FMN2: variants seen among roughly 807,000 people sequenced by gnomAD.
The protein encoded by FMN2 is formin-2.
Under a neutral mutation model 142.3 loss-of-function variants are expected in FMN2, and 51 were observed. That is an observed-to-expected ratio of 0.36 (90% CI 0.29 to 0.45). The LOEUF is 0.45. FMN2 is among the 20% of genes least tolerant of loss of function. The pLI is 1.00. For missense variants in FMN2, 1,936 were observed against 2,122.8 expected (o/e 0.91, Z 1.73); for synonymous variants, 882 against 869.8 (o/e 1.01, Z -0.25).
At position 240,349,802 on chromosome 1, in the gene FMN2, G is replaced by T. The variant is rs185519164; in HGVS notation, c.4766-6014G>T. On this transcript the variant is annotated intron_variant, in intron 13 of 17. Transcript: ENST00000319653. The stretch of plus-strand genomic sequence containing the variant: ...AATTAAACAAAAGTTGAGATGATTG[G>T]AATTACTCGGTTATGCCAACAGTCT... Among the ~76,000 whole-genome samples the T allele has an allele frequency of 4.1e-3, 617 of 152,204 alleles. 5 individuals carry two copies. Among genetic ancestry groups the T allele is most frequent in the African/African-American group, 0.014 (578 of 41,510 alleles).
rs746874270 is a variant in FMN2 at position 240,123,305 on chromosome 1, C to T, written c.1742C>T (p.Pro581Leu). ...CCTTTTAGTGATTGCTTCAGGGAAC[C>T]GTGTAATCAGAATGCCCAGACGAAT... ...LLPFSDCFRE[P>L]CNQNAQTNAA... Residue 581 changes from proline to leucine, a missense_variant, in exon 2 of 18, where the codon CCG becomes CTG. This residue lies in a region of FMN2 where 478 missense variants were observed against 462.8 expected (regional missense o/e 1.03). Coordinates refer to ENST00000319653, the MANE Select transcript of FMN2 (RefSeq NM_020066.5). 4.3e-5 allele frequency: 69 copies of T among 1,613,898 alleles called. No individual in the cohort carries two copies. The East Asian group carries it at 1.4e-3, about 32-fold the overall frequency.
At chr1:240,144,734 T>C (rs1663361530) in intron 2 of FMN2, 1 of 1,323,780 alleles carries the variant, frequency 7.6e-7, no homozygotes, top group African/African-American at 1.5e-5. Flanking sequence ...CTCCAGCATG[T>C]CCACCTGCTC....
intron 15 of FMN2, among the ~76,000 whole-genome samples, chr1:240,421,753 C>T (rs1332056824): frequency 6.6e-6 from 1 of 151,806 alleles, no homozygotes; most frequent in Non-Finnish European, 1.5e-5. Flanking sequence ...ACAACCAAGA[C>T]ATTTTATCTC....
At chr1:240,340,346 C>T (rs915935912) in intron 13 of FMN2, among the ~76,000 whole-genome samples, 21 of 151,918 alleles carry the variant, frequency 1.4e-4, no homozygotes, top group African/African-American at 3.9e-4. Context: ...TTTGGGAGGC[C>T]GAGGCAGGTG....
At chr1:240,401,018 C>A (rs1047112935) in intron 15 of FMN2, 2 of 151,590 alleles carry the variant, frequency 1.3e-5, no homozygotes, top group Non-Finnish European at 2.9e-5. Context: ...CCAGCTACTC[C>A]GGAGGCTGAG....
At chr1:240,429,068 C>T (rs1675051419) in intron 15 of FMN2, among the ~76,000 whole-genome samples, 1 of 152,034 alleles carries the variant, frequency 6.6e-6, no homozygotes, top group African/African-American at 2.4e-5. Flanking sequence ...TACTTATTAA[C>T]TCTTGTGTTA....
intron 16 of FMN2, among the ~76,000 whole-genome samples, chr1:240,455,669 C>T (rs936439103): frequency 1.3e-5 from 2 of 152,052 alleles, no homozygotes; most frequent in Non-Finnish European, 2.9e-5. Flanking sequence ...CAGAGCAAGA[C>T]TCTGTCTCTA....
At chr1:240,418,728 T>TTTTG (rs147573095) in intron 15 of FMN2, among the ~76,000 whole-genome samples, 9,898 of 152,256 alleles carry the variant, frequency 0.065, 1,085 homozygotes, top group African/African-American at 0.23. Flanking sequence ...TAGTGTTCTA[T>TTTTG]TTTATTATTT....
intron 13 of FMN2, among the ~76,000 whole-genome samples, chr1:240,346,509 G>A (rs963030807): frequency 6.6e-6 from 1 of 152,174 alleles, no homozygotes; most frequent in African/African-American, 2.4e-5. Flanking sequence ...CGGGGGATGA[G>A]AAACACAAAG....
chr1:240,206,765 ATAAC>A (rs1385860921), intron 4 of FMN2, 30 bp from the exon 5 acceptor site: 22 of 1,568,212 alleles, frequency 1.4e-5, no homozygotes, highest in Non-Finnish European at 1.8e-5. Flanking sequence ...TCCTTATTTC[ATAAC>A]TAACTGTGTC....
In FMN2 at chr1:240,257,953, G is replaced by A; in HGVS notation, c.4074G>A (p.Lys1358=). The change falls in exon 7 of 18, where the codon AAG becomes AAA. Residue 1358 remains lysine, a synonymous_variant. Transcript: ENST00000319653. ...ISKTKAKQVV[K]LLSNKRSQAV... is the part of the protein sequence containing the mutation. ...CTTTCTTTCTCGAGCAGGTTGTCAA[G>A]TTATTAAGCAACAAAAGATCACAAG... 6.2e-7 allele frequency: 1 copy of A among 1,612,942 alleles called. No homozygotes were observed. Among genetic ancestry groups the A allele is most frequent in the Non-Finnish European group, 8.5e-7 (1 of 1,179,574 alleles).
At chr1:240,305,015 C>T (rs1387512309) in intron 8 of FMN2, among the ~76,000 whole-genome samples, 3 of 152,220 alleles carry the variant, frequency 2.0e-5, no homozygotes, top group African/African-American at 7.2e-5. Context: ...ACTTTCTACT[C>T]TGCTATCTTC....
At chr1:240,349,600 C>T (rs991823353) in intron 13 of FMN2, among the ~76,000 whole-genome samples, 2 of 152,168 alleles carry the variant, frequency 1.3e-5, no homozygotes, top group Non-Finnish European at 2.9e-5. Flanking sequence ...TGCCCCACAA[C>T]GTGCCACTCT....
intron 1 of FMN2, among the ~76,000 whole-genome samples, chr1:240,114,335 A>G (rs1392736979): frequency 2.6e-5 from 4 of 152,212 alleles, no homozygotes; most frequent in Non-Finnish European, 5.9e-5. Context: ...AATGGATGCT[A>G]GGTGCAATCT....
At chr1:240,361,318 C>T (rs565660968) in intron 14 of FMN2, among the ~76,000 whole-genome samples, 1 of 151,660 alleles carries the variant, frequency 6.6e-6, no homozygotes, top group East Asian at 1.9e-4. Context: ...AGGCTTCATC[C>T]AGAAGTCTTG....
intron 14 of FMN2, among the ~76,000 whole-genome samples, chr1:240,369,050 C>A (rs765624677): frequency 6.6e-6 from 1 of 151,924 alleles, no homozygotes; most frequent in Non-Finnish European, 1.5e-5. Context: ...TGCACGCGCA[C>A]GCACCCTGTG....
rs1426736697 is a variant in FMN2 at position 240,211,347 on chromosome 1, T to TA, written c.4065+113dup. 7 of 999,088 alleles carry TA rather than the reference T, an allele frequency of 7.0e-6. No individual in the cohort carries two copies. The African/African-American group carries it at 1.1e-4, about 16-fold the overall frequency. The allele number at this position is 999,088 out of a possible 1,614,324, so 61.9% of individuals were successfully genotyped here. A position where few individuals can be genotyped will look rare whatever the true frequency, so the allele number is the denominator to read the frequency against. On this transcript the variant is annotated intron_variant, in intron 6 of 17. Transcript: ENST00000319653. Reference sequence around the variant, plus strand: ...GGGCTGTGTAAACCTCCATGGATCTTAGGCAGACAGCAAGGGTTAGAACTT... The same window carrying TA: ...GGGCTGTGTAAACCTCCATGGATCTTAAGGCAGACAGCAAGGGTTAGAACTT...
chr1:240,239,968 G>A (rs1249630752), intron 6 of FMN2, among the ~76,000 whole-genome samples: 2 of 152,170 alleles, frequency 1.3e-5, no homozygotes, highest in Non-Finnish European at 2.9e-5. Context: ...TAATTTCCCT[G>A]AAATTGAGCA....
intron 6 of FMN2, among the ~76,000 whole-genome samples, chr1:240,240,415 A>T (rs920837662): frequency 1.3e-5 from 2 of 152,340 alleles, no homozygotes; most frequent in Admixed American, 1.3e-4. Context: ...TTGCTACAAC[A>T]TAATAATAAA....
Sources: gnomAD v4.1 joint callset for allele counts (sites outside exome capture counted in the v4.1 genomes callset) on GRCh38, gnomAD v4.1.1 for gene constraint, gnomAD v4.1.1 regional missense constraint, MANE v1.5 for transcripts, NCBI Gene and HGNC (gene_info 2026-07-23, HGNC 2026-07-21) for gene names.